FBXL2: variants seen among roughly 807,000 people sequenced by gnomAD.
FBXL2 encodes F-box/LRR-repeat protein 2.
FBXL2 carries 38 observed loss-of-function variants against 69.2 expected under a neutral mutation model. The observed-to-expected ratio is 0.55, with a 90% CI of 0.42 to 0.72. The LOEUF (loss-of-function observed/expected upper bound fraction) is 0.72. Ranked by LOEUF, FBXL2 falls within the 30% of genes least tolerant of loss-of-function variation. The probability of loss-of-function intolerance (pLI) is 0.00; values close to 1 mark genes in which losing one functional copy is unlikely to be tolerated. For missense variants in FBXL2, 354 were observed against 520.3 expected, an observed-to-expected ratio of 0.68 and a Z score of 3.11; for synonymous variants, 192 against 201.3, an observed-to-expected ratio of 0.95 and a Z score of 0.39.
the FBXL2 span, among the ~76,000 whole-genome samples, chr3:33,415,835 A>G: frequency 1.2e-4 from 19 of 152,274 alleles, no homozygotes; most frequent in African/African-American, 4.3e-4. Flanking sequence ...TGCACATTCA[A>G]GAAGTTCCAA....
chr3:33,310,215 G>A (rs751786727), intron 2 of FBXL2, among the ~76,000 whole-genome samples: 137 of 151,572 alleles, frequency 9.0e-4, no homozygotes, highest in Non-Finnish European at 1.7e-3. Context: ...GCAGTGGTGC[G>A]ATCTCAGCTC....
Position 33,399,499 on chromosome 3 carries a change from A to G in FBXL2, n.1215-3735A>G, listed in dbSNP as rs1287362361. Reference sequence around the variant, plus strand: ...AGCAGTAAAAAGGATTAAACTACTGATAAACACAACAACTTAGGTGGCCGT... The same window carrying G: ...AGCAGTAAAAAGGATTAAACTACTGGTAAACACAACAACTTAGGTGGCCGT... On this transcript the variant is annotated intron_variant and non_coding_transcript_variant, in intron 12 of 12. Transcript: ENST00000463736. Among the ~76,000 whole-genome samples the G allele has an allele frequency of 2.6e-5, 4 of 152,236 alleles. No homozygotes were observed. In the East Asian group the frequency reaches 7.7e-4, roughly 29 times the overall value.
chr3:33,385,681 C>T lies in FBXL2; in HGVS notation c.*73C>T, dbSNP rs1022372156. On this transcript the variant is annotated 3_prime_UTR_variant, in exon 15 of 15. Coordinates refer to ENST00000484457, the MANE Select transcript of FBXL2 (RefSeq NM_012157.5). The stretch of plus-strand genomic sequence containing the variant: ...AAGACCTGAGTCTTCCTGACCGACT[C>T]CACCATCACCCAATCTGTTGATTCT... 5.8e-5 allele frequency: 66 copies of T among 1,136,042 alleles called. No homozygotes were observed. Among genetic ancestry groups the T allele is most frequent in the Non-Finnish European group, 8.5e-5 (64 of 752,648 alleles). 70.4% of individuals were successfully genotyped at this position (1,136,042 alleles called of 1,614,324 possible).
At chr3:33,408,821 A>G in the FBXL2 span, 5 of 1,588,500 alleles carry the variant, frequency 3.1e-6, no homozygotes, top group Middle Eastern at 1.7e-4. Flanking sequence ...AAAGATTGGG[A>G]TCAATGTCTT....
intron 5 of FBXL2, among the ~76,000 whole-genome samples, chr3:33,368,533 A>T (rs1234944342): frequency 6.6e-6 from 1 of 151,962 alleles, no homozygotes; most frequent in Non-Finnish European, 1.5e-5. Context: ...ATGTTTTTCC[A>T]TCATTTTATT....
intron 2 of FBXL2, among the ~76,000 whole-genome samples, chr3:33,338,008 A>C (rs1425934229): frequency 1.3e-5 from 2 of 152,244 alleles, no homozygotes; most frequent in African/African-American, 4.8e-5. Context: ...GATGGGAAGA[A>C]TCAATATTGT....
chr3:33,368,888 G>T (rs892708750), intron 5 of FBXL2, among the ~76,000 whole-genome samples: 1 of 152,062 alleles, frequency 6.6e-6, no homozygotes, highest in Non-Finnish European at 1.5e-5. Context: ...GCCCAGCTGG[G>T]TGTTGCTTTT....
chr3:33,300,569 C>CT (rs1278859464), intron 2 of FBXL2: 1 of 152,220 alleles, frequency 6.6e-6, no homozygotes, highest in Non-Finnish European at 1.5e-5. Flanking sequence ...TCTTCTCCAA[C>CT]TTGTGAGTCT....
rs1419103023 is a variant in FBXL2, at chr3:33,350,947, T to C, written c.66-8020T>C. 2.0e-5 allele frequency among the ~76,000 whole-genome samples: 3 copies of C among 151,988 alleles called. No homozygotes were observed. The East Asian group carries it at 5.8e-4, about 29-fold the overall frequency. The stretch of plus-strand genomic sequence containing the variant: ...CCCATGTCATGAAACCCCCAAAGAA[T>C]TGACAAAAAAAAATAGTAATAATAA... On this transcript the variant is annotated intron_variant, in intron 2 of 14. Transcript: ENST00000484457.
At chr3:33,380,555 T>TAAA (rs57394351) in intron 13 of FBXL2, among the ~76,000 whole-genome samples, 3 of 97,324 alleles carry the variant, frequency 3.1e-5, no homozygotes, top group African/African-American at 7.3e-5. Flanking sequence ...CAAAACTCCA[T>TAAA]AAAAAAAAAA....
chr3:33,417,083 T>G, the FBXL2 span, among the ~76,000 whole-genome samples: 18 of 152,342 alleles, frequency 1.2e-4, no homozygotes, highest in African/African-American at 3.8e-4. Flanking sequence ...TACACTAAAC[T>G]TTTATTATGC....
intron 5 of FBXL2, 140 bp from the exon 6 acceptor site, chr3:33,372,952 C>G (rs1346060655): frequency 2.7e-6 from 2 of 745,638 alleles, no homozygotes; most frequent in African/African-American, 3.5e-5. Flanking sequence ...AGAATCTGCA[C>G]TGTGACAAGA....
the FBXL2 span, among the ~76,000 whole-genome samples, chr3:33,411,928 C>T: frequency 2.0e-5 from 3 of 151,928 alleles, no homozygotes; most frequent in Non-Finnish European, 2.9e-5. Flanking sequence ...TGGTGGCTCA[C>T]GTAATCCCAG....
At chr3:33,311,224 C>T (rs2125761905) in intron 2 of FBXL2, among the ~76,000 whole-genome samples, 1 of 152,214 alleles carries the variant, frequency 6.6e-6, no homozygotes, top group Admixed American at 6.5e-5. Context: ...GACAGTCTGC[C>T]AATCCTGTGT....
intron 2 of FBXL2, among the ~76,000 whole-genome samples, chr3:33,311,915 A>G (rs1242090228): frequency 2.0e-5 from 3 of 152,056 alleles, no homozygotes; most frequent in Non-Finnish European, 4.4e-5. Flanking sequence ...GCGCTACTGC[A>G]TCCATCCTGT....
At chr3:33,316,354 G>C (rs147198351) in intron 2 of FBXL2, among the ~76,000 whole-genome samples, 1 of 151,990 alleles carries the variant, frequency 6.6e-6, no homozygotes, top group Non-Finnish European at 1.5e-5. Flanking sequence ...CCACCACGCC[G>C]AGCCACCACG....
At chr3:33,409,532 G>A in the FBXL2 span, 1 of 1,614,120 alleles carries the variant, frequency 6.2e-7, no homozygotes, top group Non-Finnish European at 8.5e-7. Context: ...GTGTCAACCT[G>A]GATCCTAAAG....
chr3:33,389,086 C>T (rs112813048), downstream of FBXL2: 46 of 152,550 alleles, frequency 3.0e-4, no homozygotes, highest in East Asian at 5.8e-4. Context: ...GGATGAAGGA[C>T]GGAGATATGG....
downstream of FBXL2, chr3:33,392,977 A>G (rs963291437): frequency 6.4e-6 from 2 of 312,728 alleles, no homozygotes; most frequent in Non-Finnish European, 1.2e-5. Flanking sequence ...TTTTTAAATT[A>G]GTCATCAAAT....
Sources: allele counts gnomAD v4.1 joint callset (sites outside exome capture counted in the v4.1 genomes callset), GRCh38; gene constraint gnomAD v4.1.1; transcripts MANE v1.5; gene names NCBI Gene and HGNC (gene_info 2026-07-23, HGNC 2026-07-21).